Variants in SLC8A1 observed in about 807,000 individuals in gnomAD.
SLC8A1 encodes sodium/calcium exchanger 1.
In SLC8A1, 18 loss-of-function variants were observed where a neutral mutation model predicts 68.3. The observed-to-expected ratio is 0.26, with a 90% CI of 0.18 to 0.39. The LOEUF is 0.39. SLC8A1 is among the 10% of genes least tolerant of loss of function. SLC8A1 has a pLI of 1.00. For missense variants in SLC8A1, 985 were observed against 1,156.7 expected (o/e 0.85, Z 2.15); for synonymous variants, 475 against 415.5 (o/e 1.14, Z -1.74).
chr2:40,239,093 G>C (rs1279193848), intron 2 of SLC8A1, among the ~76,000 whole-genome samples: 1 of 151,786 alleles, frequency 6.6e-6, no homozygotes. Context: ...AAATTATTTA[G>C]TAAAGTTTGC....
chr2:40,318,323 T>C (rs879852871), intron 2 of SLC8A1, among the ~76,000 whole-genome samples: 2 of 152,042 alleles, frequency 1.3e-5, no homozygotes, highest in African/African-American at 2.4e-5. Context: ...ATCTGTCTTT[T>C]AAAAACCTCA....
chr2:40,261,402 C>G (rs750186173), intron 2 of SLC8A1, among the ~76,000 whole-genome samples: 3 of 152,192 alleles, frequency 2.0e-5, no homozygotes, highest in African/African-American at 4.8e-5. Context: ...GGGCACCAAT[C>G]TAACAGAATT....
chr2:40,117,978 C>G (rs769511985), intron 7 of SLC8A1, among the ~76,000 whole-genome samples: 1 of 152,170 alleles, frequency 6.6e-6, no homozygotes, highest in Non-Finnish European at 1.5e-5. Flanking sequence ...ATTCTGAAGG[C>G]CTATCATCAA....
chr2:40,409,079 G>C, intron 2 of SLC8A1, among the ~76,000 whole-genome samples: 1 of 152,214 alleles, frequency 6.6e-6, no homozygotes, highest in African/African-American at 2.4e-5. Flanking sequence ...AGACAGACCT[G>C]TAAAGTGCTG....
intron 1 of SLC8A1, among the ~76,000 whole-genome samples, chr2:40,491,592 G>T (rs1244173165): frequency 6.6e-6 from 1 of 152,084 alleles, no homozygotes; most frequent in Non-Finnish European, 1.5e-5. Flanking sequence ...TCCAGTTTTT[G>T]CCTATTCAGT....
At chr2:40,296,234 TG>T (rs2070353156) in intron 2 of SLC8A1, among the ~76,000 whole-genome samples, 1 of 152,128 alleles carries the variant, frequency 6.6e-6, no homozygotes, top group Admixed American at 6.6e-5. Flanking sequence ...TGCTAGAAAG[TG>T]CTTCGGTTAC....
At chr2:40,227,399 A>G (rs2059118427) in intron 2 of SLC8A1, among the ~76,000 whole-genome samples, 1 of 152,030 alleles carries the variant, frequency 6.6e-6, no homozygotes, top group Non-Finnish European at 1.5e-5. Context: ...GCATATGCAA[A>G]TAACCACATC....
rs867465756 is a variant in SLC8A1, at chr2:40,333,997, G to A, written c.1808+94476C>T. Among the ~76,000 whole-genome samples the A allele has an allele frequency of 9.9e-5, 15 of 152,256 alleles. 1 individual carries two copies. The highest frequency in any genetic ancestry group is 3.4e-4 in the African/African-American group (14 of 41,544). ...TGGGTGACAGAGGTTGCAGTGAGCC[G>A]AGATGGCACCATTGCATTCAGCCTG... On this transcript the variant is annotated intron_variant, in intron 2 of 7. Transcript: ENST00000406785.
At chr2:40,468,679 G>A (rs1034863998) in intron 1 of SLC8A1, among the ~76,000 whole-genome samples, 1 of 152,020 alleles carries the variant, frequency 6.6e-6, no homozygotes, top group Non-Finnish European at 1.5e-5. Context: ...AGGAATAGTG[G>A]AACAAACCCC....
At chr2:40,166,786 T>C (rs1474226210) in intron 4 of SLC8A1, among the ~76,000 whole-genome samples, 3 of 152,240 alleles carry the variant, frequency 2.0e-5, no homozygotes, top group Non-Finnish European at 4.4e-5. Context: ...GTAGTTTTCA[T>C]AGCAGTAGTT....
intron 2 of SLC8A1, among the ~76,000 whole-genome samples, chr2:40,372,859 A>T (rs1678580724): frequency 6.6e-6 from 1 of 152,116 alleles, no homozygotes; most frequent in African/African-American, 2.4e-5. Context: ...TTTGGTGTTA[A>T]CATAGGGAGG....
At chr2:40,425,012 A>G (rs1469926398) in intron 2 of SLC8A1, among the ~76,000 whole-genome samples, 1 of 151,834 alleles carries the variant, frequency 6.6e-6, no homozygotes, top group East Asian at 1.9e-4. Flanking sequence ...CCAAACCACA[A>G]ATCAAATTAG....
intron 2 of SLC8A1, among the ~76,000 whole-genome samples, chr2:40,185,591 A>G (rs7575802): frequency 0.13 from 19,260 of 152,096 alleles, 1,338 homozygotes; most frequent in African/African-American, 0.16. Context: ...CTGGGGACTT[A>G]GAGATAAAAG....
chr2:40,296,378 A>G (rs976200452), intron 2 of SLC8A1, among the ~76,000 whole-genome samples: 2 of 152,206 alleles, frequency 1.3e-5, no homozygotes, highest in African/African-American at 4.8e-5. Flanking sequence ...TATTTAATGT[A>G]CAAAATTCAG....
chr2:40,233,168 G>C (rs1430643478), intron 2 of SLC8A1, among the ~76,000 whole-genome samples: 1 of 152,176 alleles, frequency 6.6e-6, no homozygotes, highest in East Asian at 1.9e-4. Context: ...CCTGAGGAAT[G>C]GCCACACTGA....
intron 1 of SLC8A1, among the ~76,000 whole-genome samples, chr2:40,476,097 G>T (rs1050271643): frequency 1.3e-5 from 2 of 152,160 alleles, no homozygotes; most frequent in Non-Finnish European, 1.5e-5. Context: ...GCATTTTGAG[G>T]TTAGTTGTGG....
intron 2 of SLC8A1, among the ~76,000 whole-genome samples, chr2:40,246,459 C>T (rs1022074563): frequency 2.6e-5 from 4 of 152,150 alleles, no homozygotes; most frequent in African/African-American, 7.2e-5. Context: ...TAAAGACAGA[C>T]TTTGTTCATT....
At chr2:40,332,467 A>T (rs1311100989) in intron 2 of SLC8A1, among the ~76,000 whole-genome samples, 1 of 152,038 alleles carries the variant, frequency 6.6e-6, no homozygotes, top group East Asian at 1.9e-4. Context: ...TTACTTATGT[A>T]TCTTTATCCC....
intron 2 of SLC8A1, among the ~76,000 whole-genome samples, chr2:40,326,846 T>G (rs2075880003): frequency 1.3e-5 from 2 of 152,258 alleles, no homozygotes; most frequent in Admixed American, 1.3e-4. Flanking sequence ...CGATGTAAAT[T>G]TAAAGATGAT....
Sources: allele counts gnomAD v4.1 joint callset (sites outside exome capture counted in the v4.1 genomes callset), GRCh38; gene constraint gnomAD v4.1.1; transcripts MANE v1.5; gene names NCBI Gene and HGNC (gene_info 2026-07-23, HGNC 2026-07-21).